Variants in KCNH5 observed in about 807,000 individuals in gnomAD.
KCNH5 encodes the protein voltage-gated delayed rectifier potassium channel KCNH5.
KCNH5 carries 46 observed loss-of-function variants against 96.1 expected under a neutral mutation model. The observed-to-expected ratio is 0.48, with a 90% CI of 0.38 to 0.61. The LOEUF is 0.61. KCNH5 is among the 20% of genes least tolerant of loss of function. The pLI is 0.00. For missense variants in KCNH5, 907 were observed against 1,225.8 expected, an observed-to-expected ratio of 0.74 and a Z score of 3.88; for synonymous variants, 439 against 449.8, an observed-to-expected ratio of 0.98 and a Z score of 0.30.
At chr14:62,972,618 T>C (rs1030528996) in intron 6 of KCNH5, among the ~76,000 whole-genome samples, 1 of 152,104 alleles carries the variant, frequency 6.6e-6, no homozygotes, top group African/African-American at 2.4e-5. Context: ...TGTTCTTCAG[T>C]AGGTGAATGA....
chr14:62,877,049 G>A (rs1028943881), intron 7 of KCNH5, among the ~76,000 whole-genome samples: 2 of 152,130 alleles, frequency 1.3e-5, no homozygotes, highest in African/African-American at 4.8e-5. Context: ...GTAGATATGT[G>A]GCATTATTTC....
chr14:62,856,769 G>A (rs1357055104), intron 7 of KCNH5, among the ~76,000 whole-genome samples: 3 of 151,732 alleles, frequency 2.0e-5, no homozygotes, highest in Non-Finnish European at 4.4e-5. Context: ...TACGAGCCAG[G>A]CAATTTCTAT....
At chr14:62,878,204 G>GGGC (rs1888419307) in intron 7 of KCNH5, among the ~76,000 whole-genome samples, 2 of 145,858 alleles carry the variant, frequency 1.4e-5, no homozygotes, top group African/African-American at 5.3e-5. Flanking sequence ...GTGGGGATGG[G>GGGC]GGGGGGGGCG....
chr14:62,790,534 A>G (rs187698228), intron 9 of KCNH5, among the ~76,000 whole-genome samples: 15 of 151,254 alleles, frequency 9.9e-5, no homozygotes, highest in Admixed American at 5.3e-4. Flanking sequence ...ACCCATGAAC[A>G]TAGGACATAT....
At chr14:62,865,110 C>T (rs2140060413) in intron 7 of KCNH5, among the ~76,000 whole-genome samples, 1 of 152,152 alleles carries the variant, frequency 6.6e-6, no homozygotes, top group East Asian at 1.9e-4. Context: ...GGTGGTAAGG[C>T]CCAACTTCAA....
chr14:62,931,243 G>A (rs1199188116), intron 7 of KCNH5, among the ~76,000 whole-genome samples: 1 of 152,126 alleles, frequency 6.6e-6, no homozygotes, highest in East Asian at 1.9e-4. Flanking sequence ...ATTTAGCAAG[G>A]TTGGGATATT....
rs183820357 is a variant in KCNH5 at position 63,036,865 on chromosome 14, T to G, written c.73+8249A>C. On this transcript the variant is annotated intron_variant, in intron 1 of 10. Transcript: ENST00000322893. ...ATGAATGGTGGAGAGGGTAGGGGAA[T>G]ATAGTTTCAAACCTTGCAAAGTCAG... Among the ~76,000 whole-genome samples the G allele has an allele frequency of 5.9e-5, 9 of 152,126 alleles. No homozygotes were observed. In the East Asian group the frequency reaches 1.7e-3, roughly 29 times the overall value.
chr14:62,766,989 A>T (rs958014594), intron 10 of KCNH5, among the ~76,000 whole-genome samples: 1 of 149,862 alleles, frequency 6.7e-6, no homozygotes, highest in African/African-American at 2.5e-5. Context: ...TAAAAACATA[A>T]AAATATTTTT....
intron 8 of KCNH5, among the ~76,000 whole-genome samples, chr14:62,814,280 G>C (rs1241060773): frequency 6.6e-6 from 1 of 152,028 alleles, no homozygotes; most frequent in Admixed American, 6.6e-5. Context: ...TTTTTAACTT[G>C]TTAGGCAGCA....
chr14:63,035,357 CA>C (rs1030119843), intron 1 of KCNH5, among the ~76,000 whole-genome samples: 1 of 152,150 alleles, frequency 6.6e-6, no homozygotes, highest in Non-Finnish European at 1.5e-5. Flanking sequence ...TAGAAAAACA[CA>C]AAGAGGCTTT....
chr14:63,001,261 A>T, intron 4 of KCNH5, 70 bp downstream of exon 4: 2 of 1,389,264 alleles, frequency 1.4e-6, no homozygotes, highest in Non-Finnish European at 1.9e-6. Flanking sequence ...CAATCAGCAG[A>T]GGTAAAACAG....
chr14:63,010,982 G>C (rs1047741752), intron 2 of KCNH5, among the ~76,000 whole-genome samples: 2 of 152,154 alleles, frequency 1.3e-5, no homozygotes, highest in African/African-American at 4.8e-5. Flanking sequence ...TCTGCAGGCT[G>C]TAGTTCATAG....
intron 7 of KCNH5, among the ~76,000 whole-genome samples, chr14:62,852,595 T>TTTC (rs1491223416): frequency 3.3e-5 from 1 of 30,718 alleles, no homozygotes; most frequent in Non-Finnish European, 5.1e-5. Flanking sequence ...ACTAGAGAGC[T>TTTC]TTTTTTTTTT....
At chr14:62,922,564 A>G (rs1253591805) in intron 7 of KCNH5, among the ~76,000 whole-genome samples, 2 of 151,932 alleles carry the variant, frequency 1.3e-5, no homozygotes, top group African/African-American at 2.4e-5. Flanking sequence ...ATACTAGCAA[A>G]CTGAATTCAA....
chr14:62,858,650 G>T (rs971303682), intron 7 of KCNH5, among the ~76,000 whole-genome samples: 1 of 152,208 alleles, frequency 6.6e-6, no homozygotes, highest in Non-Finnish European at 1.5e-5. Context: ...TCAGCAGAAT[G>T]TAATATCGCA....
At chr14:62,736,225 T>C (rs1169261005) in intron 10 of KCNH5, among the ~76,000 whole-genome samples, 1 of 152,164 alleles carries the variant, frequency 6.6e-6, no homozygotes, top group Admixed American at 6.6e-5. Context: ...ATTCTTGACA[T>C]GTAAGATGAA....
At chr14:62,912,563 C>A (rs906383035) in intron 7 of KCNH5, among the ~76,000 whole-genome samples, 65 of 152,150 alleles carry the variant, frequency 4.3e-4, no homozygotes, top group African/African-American at 1.5e-3. Flanking sequence ...CCCGCCACCA[C>A]ACCCAGCTAT....
intron 10 of KCNH5, among the ~76,000 whole-genome samples, chr14:62,722,503 C>G (rs1275722994): frequency 1.3e-5 from 2 of 152,246 alleles, no homozygotes; most frequent in Non-Finnish European, 2.9e-5. Flanking sequence ...AAGGACTAGG[C>G]TACTCTGATT....
At chr14:62,942,352 C>T (rs1444024643) in intron 7 of KCNH5, among the ~76,000 whole-genome samples, 2 of 152,172 alleles carry the variant, frequency 1.3e-5, no homozygotes, top group Non-Finnish European at 2.9e-5. Context: ...GTCACACGGG[C>T]CTTTGCTCCC....
Sources: gnomAD v4.1 joint callset for allele counts (sites outside exome capture counted in the v4.1 genomes callset) on GRCh38, gnomAD v4.1.1 for gene constraint, MANE v1.5 for transcripts, NCBI Gene and HGNC (gene_info 2026-07-23, HGNC 2026-07-21) for gene names.